Variants in LRFN5 observed in about 807,000 individuals in gnomAD.
The protein encoded by LRFN5 is leucine rich repeat and fibronectin type III domain containing 5, also known as leucine-rich repeat and fibronectin type-III domain-containing protein 5.
A neutral mutation model predicts 45.6 loss-of-function variants in LRFN5; 24 were observed. The observed-to-expected ratio is 0.53, with a 90% CI of 0.38 to 0.74. LRFN5 has a LOEUF of 0.74. Ranked by LOEUF, LRFN5 falls within the 30% of genes least tolerant of loss-of-function variation. The probability of loss-of-function intolerance (pLI) is 0.00; values close to 1 mark genes in which losing one functional copy is unlikely to be tolerated. For synonymous variants in LRFN5, 340 were observed against 313.8 expected, an observed-to-expected ratio of 1.08 and a Z score of -0.88; for missense variants, 776 against 861.5, an observed-to-expected ratio of 0.90 and a Z score of 1.24.
chr14:41,898,785 T>A (rs767678389), intron 4 of LRFN5, 132 bp from the exon 5 acceptor site: 154 of 845,186 alleles, frequency 1.8e-4, no homozygotes, highest in African/African-American at 8.7e-4. Flanking sequence ...GTAAGTTTTT[T>A]AAAAAAAATC....
chr14:41,675,561 C>T (rs911392808), intron 1 of LRFN5, among the ~76,000 whole-genome samples: 6 of 152,126 alleles, frequency 3.9e-5, no homozygotes, highest in Non-Finnish European at 5.9e-5. Context: ...CAGTACAGTC[C>T]AGCTTCGGTT....
chr14:41,613,986 T>C (rs1013752440), intron 1 of LRFN5, among the ~76,000 whole-genome samples: 1 of 152,046 alleles, frequency 6.6e-6, no homozygotes, highest in Non-Finnish European at 1.5e-5. Context: ...TCCCGAGTAA[T>C]AGAATATTTG....
At chr14:41,610,612 G>A (rs1167614931) in intron 1 of LRFN5, among the ~76,000 whole-genome samples, 1 of 118,488 alleles carries the variant, frequency 8.4e-6, no homozygotes, top group Non-Finnish European at 1.6e-5. Flanking sequence ...TGATACAGAA[G>A]ATATCTCGAC....
At chr14:41,874,297 T>C (rs1190063051) in intron 2 of LRFN5, among the ~76,000 whole-genome samples, 1 of 152,192 alleles carries the variant, frequency 6.6e-6, no homozygotes, top group South Asian at 2.1e-4. Context: ...AGATACCTAA[T>C]AATGTTTTCT....
chr14:41,756,357 G>GT (rs1473769794), intron 1 of LRFN5, among the ~76,000 whole-genome samples: 4 of 152,174 alleles, frequency 2.6e-5, no homozygotes, highest in African/African-American at 4.8e-5. Context: ...ATCCTGCAGA[G>GT]GTTTTCCAAC....
At chr14:41,659,413 G>C (rs1161111491) in intron 1 of LRFN5, among the ~76,000 whole-genome samples, 1 of 152,076 alleles carries the variant, frequency 6.6e-6, no homozygotes, top group East Asian at 1.9e-4. Flanking sequence ...AGTATTCCAT[G>C]GTGTATATGT....
chr14:41,712,928 A>G (rs756380829), intron 1 of LRFN5, among the ~76,000 whole-genome samples: 1 of 152,138 alleles, frequency 6.6e-6, no homozygotes, highest in Non-Finnish European at 1.5e-5. Context: ...ATATGTAATT[A>G]TTATTTTCCA....
intron 1 of LRFN5, among the ~76,000 whole-genome samples, chr14:41,750,267 T>A (rs1182716724): frequency 2.8e-5 from 4 of 144,384 alleles, no homozygotes; most frequent in Admixed American, 7.0e-5. Context: ...GTAACTTTTC[T>A]TATATATATA....
intron 2 of LRFN5, among the ~76,000 whole-genome samples, chr14:41,767,607 A>G (rs569448649): frequency 2.0e-4 from 31 of 152,172 alleles, no homozygotes; most frequent in Non-Finnish European, 4.1e-4. Flanking sequence ...AAATGTGCAT[A>G]CTAGAAAAAC....
chr14:41,791,734 AT>A (rs1886928393), intron 2 of LRFN5, among the ~76,000 whole-genome samples: 1 of 152,118 alleles, frequency 6.6e-6, no homozygotes, highest in Non-Finnish European at 1.5e-5. Context: ...TAAGAGGATT[AT>A]TTAATCTCAA....
chr14:41,774,730 C>A (rs1205338834), intron 2 of LRFN5, among the ~76,000 whole-genome samples: 1 of 152,040 alleles, frequency 6.6e-6, no homozygotes, highest in East Asian at 1.9e-4. Context: ...AGTTTTCACA[C>A]GTAAGTATTC....
intron 2 of LRFN5, among the ~76,000 whole-genome samples, chr14:41,875,199 A>G (rs1045207102): frequency 3.9e-5 from 6 of 152,182 alleles, no homozygotes; most frequent in African/African-American, 1.4e-4. Flanking sequence ...TACCCACATC[A>G]CTCCCCTTTC....
At chr14:41,810,279 C>A (rs1322381816) in intron 2 of LRFN5, among the ~76,000 whole-genome samples, 1 of 151,990 alleles carries the variant, frequency 6.6e-6, no homozygotes, top group Non-Finnish European at 1.5e-5. Flanking sequence ...TACATTACTG[C>A]CTCATTGAGA....
intron 2 of LRFN5, 141 bp from the exon 3 acceptor site, chr14:41,886,465 G>T: frequency 1.7e-6 from 1 of 587,590 alleles, no homozygotes; most frequent in Non-Finnish European, 2.8e-6. Flanking sequence ...CTTTACTACA[G>T]AATAAATATT....
chr14:41,691,340 A>G (rs1594619840), intron 1 of LRFN5, among the ~76,000 whole-genome samples: 5 of 152,178 alleles, frequency 3.3e-5, no homozygotes, highest in Admixed American at 3.3e-4. Flanking sequence ...TCTAACTTTC[A>G]TCAAGCTATC....
At chr14:41,843,798 A>C (rs931812357) in intron 2 of LRFN5, among the ~76,000 whole-genome samples, 1 of 152,222 alleles carries the variant, frequency 6.6e-6, no homozygotes, top group African/African-American at 2.4e-5. Context: ...TGGATTTTAC[A>C]AACCTGAAAG....
chr14:41,790,758 G>A (rs972740648), intron 2 of LRFN5, among the ~76,000 whole-genome samples: 10 of 100,054 alleles, frequency 1.0e-4, no homozygotes, highest in Non-Finnish European at 2.0e-4. Context: ...ATTCATTTTG[G>A]TAGGGAACCA....
At chr14:41,754,770 T>G (rs903011243) in intron 1 of LRFN5, among the ~76,000 whole-genome samples, 3 of 152,234 alleles carry the variant, frequency 2.0e-5, no homozygotes, top group Non-Finnish European at 2.9e-5. Context: ...TTCCTTCAGT[T>G]CTGCTCTGAT....
At chr14:41,635,900 A>T (rs746564601) in intron 1 of LRFN5, among the ~76,000 whole-genome samples, 1 of 152,150 alleles carries the variant, frequency 6.6e-6, no homozygotes, top group South Asian at 2.1e-4. Context: ...AAAGAGCTCC[A>T]TTCTAAATTT....
Sources: allele counts gnomAD v4.1 joint callset (sites outside exome capture counted in the v4.1 genomes callset), GRCh38; gene constraint gnomAD v4.1.1; transcripts MANE v1.5; gene names NCBI Gene and HGNC (gene_info 2026-07-23, HGNC 2026-07-21).